Variants in MBD5 observed in about 807,000 individuals in gnomAD.
MBD5 encodes the protein methyl-CpG-binding domain protein 5.
Under a neutral mutation model 117.3 loss-of-function variants are expected in MBD5, and 13 were observed. The observed-to-expected ratio is 0.11, with a 90% CI of 0.07 to 0.18. MBD5 has a LOEUF of 0.18. Ranked by LOEUF, MBD5 falls within the 10% of genes least tolerant of loss-of-function variation. The pLI, the probability that MBD5 is intolerant of heterozygous loss-of-function variation, is 1.00. For missense variants in MBD5, 1,879 were observed against 2,093.8 expected, an observed-to-expected ratio of 0.90 and a Z score of 2.00; for synonymous variants, 727 against 766.4, an observed-to-expected ratio of 0.95 and a Z score of 0.85.
At chr2:148,063,816 C>G (rs1695105095) in intron 1 of MBD5, among the ~76,000 whole-genome samples, 3 of 152,004 alleles carry the variant, frequency 2.0e-5, no homozygotes, top group African/African-American at 7.2e-5. Flanking sequence ...GGACTCTGCC[C>G]AACCTGTTCC....
chr2:148,082,320 G>T (rs1695666654), intron 1 of MBD5, among the ~76,000 whole-genome samples: 1 of 151,964 alleles, frequency 6.6e-6, no homozygotes, highest in African/African-American at 2.4e-5. Flanking sequence ...CTTTTCCAGA[G>T]CACTTATCCT....
intron 3 of MBD5, among the ~76,000 whole-genome samples, chr2:148,316,003 T>C (rs767730998): frequency 1.5e-4 from 23 of 152,222 alleles, no homozygotes; most frequent in Non-Finnish European, 2.5e-4. Flanking sequence ...TTAAAATCAT[T>C]GTAGAAGGTG....
chr2:148,220,542 GT>G (rs1203127323), intron 2 of MBD5, among the ~76,000 whole-genome samples: 1 of 152,054 alleles, frequency 6.6e-6, no homozygotes, highest in East Asian at 1.9e-4. Context: ...ATTTCAAATA[GT>G]GGTAAAAGCT....
chr2:148,171,399 A>G (rs771094863), intron 1 of MBD5, among the ~76,000 whole-genome samples: 8 of 152,216 alleles, frequency 5.3e-5, no homozygotes, highest in Non-Finnish European at 1.2e-4. Context: ...GATACGGATG[A>G]AGAAAAAATA....
intron 2 of MBD5, among the ~76,000 whole-genome samples, chr2:148,227,889 G>T (rs1162148082): frequency 6.6e-6 from 1 of 152,168 alleles, no homozygotes; most frequent in Non-Finnish European, 1.5e-5. Context: ...ATGAATGGGA[G>T]TTCACTCATG....
At chr2:148,221,512 C>T (rs1356723558) in intron 2 of MBD5, among the ~76,000 whole-genome samples, 1 of 152,126 alleles carries the variant, frequency 6.6e-6, no homozygotes, top group Non-Finnish European at 1.5e-5. Flanking sequence ...CTCTAATTAT[C>T]AGTGATGTTG....
chr2:148,273,485 C>G (rs1407444956), intron 3 of MBD5, among the ~76,000 whole-genome samples: 1 of 152,080 alleles, frequency 6.6e-6, no homozygotes, highest in African/African-American at 2.4e-5. Context: ...ACCTTGCATT[C>G]TGATGGACGA....
chr2:148,427,095 C>A (rs1705818839), intron 4 of MBD5, among the ~76,000 whole-genome samples: 1 of 152,146 alleles, frequency 6.6e-6, no homozygotes, highest in South Asian at 2.1e-4. Context: ...ATCAAAACCA[C>A]AATGAGATAC....
At chr2:148,454,628 G>C (rs1453862774) in intron 4 of MBD5, among the ~76,000 whole-genome samples, 1 of 152,112 alleles carries the variant, frequency 6.6e-6, no homozygotes, top group African/African-American at 2.4e-5. Context: ...TTGCCTCTGG[G>C]GTGGAAGGGA....
chr2:148,275,283 T>C (rs2106358920), intron 3 of MBD5, among the ~76,000 whole-genome samples: 1 of 152,330 alleles, frequency 6.6e-6, no homozygotes, highest in East Asian at 1.9e-4. Context: ...CTTTGATTAT[T>C]GCTTCCCCTC....
intron 4 of MBD5, among the ~76,000 whole-genome samples, chr2:148,409,233 C>T (rs1043635512): frequency 6.6e-6 from 1 of 151,686 alleles, no homozygotes; most frequent in East Asian, 1.9e-4. Flanking sequence ...AAAAAATAAA[C>T]AAAAATTAGC....
At chr2:148,244,844 G>A (rs1313247459) in intron 3 of MBD5, among the ~76,000 whole-genome samples, 1 of 152,162 alleles carries the variant, frequency 6.6e-6, no homozygotes, top group African/African-American at 2.4e-5. Context: ...TGTCACAGGA[G>A]TGAGACATGC....
chr2:148,157,861 C>T (rs114964791), intron 1 of MBD5, among the ~76,000 whole-genome samples: 1,875 of 152,060 alleles, frequency 0.012, 44 homozygotes, highest in African/African-American at 0.043. Flanking sequence ...GACAGTTTAA[C>T]AATATATATT....
At chr2:148,412,581 T>C (rs545533749) in intron 4 of MBD5, among the ~76,000 whole-genome samples, 1 of 152,250 alleles carries the variant, frequency 6.6e-6, no homozygotes, top group Admixed American at 6.5e-5. Context: ...TGATTCTTCC[T>C]CTCCATGGGC....
Position 148,431,830 on chromosome 2 carries a change from C to T in MBD5, c.-556-26373C>T, listed in dbSNP as rs377440651. On this transcript the variant is annotated intron_variant, in intron 4 of 13. Coordinates refer to ENST00000642680, the MANE Select transcript of MBD5 (RefSeq NM_001378120.1). ...TCCATGTCTGTCCTGTTTTGAATAG[C>T]GCTGCAGTGGACATACACGTGCATG... 7.2e-5 allele frequency among the ~76,000 whole-genome samples: 11 copies of T among 151,916 alleles called. No homozygotes were observed. In the South Asian group the frequency reaches 8.3e-4, roughly 11 times the overall value.
At chr2:148,388,445 G>C (rs1372818772) in intron 4 of MBD5, among the ~76,000 whole-genome samples, 1 of 152,172 alleles carries the variant, frequency 6.6e-6, no homozygotes, top group Admixed American at 6.5e-5. Context: ...GAGGCAGGGA[G>C]TTTGAGATTA....
At chr2:148,254,701 G>A (rs1411359061) in intron 3 of MBD5, among the ~76,000 whole-genome samples, 1 of 152,182 alleles carries the variant, frequency 6.6e-6, no homozygotes, top group African/African-American at 2.4e-5. Flanking sequence ...ACCAACCTTG[G>A]TGGGACTGCT....
chr2:148,216,859 G>T (rs773911841), intron 2 of MBD5, among the ~76,000 whole-genome samples: 16 of 152,142 alleles, frequency 1.1e-4, no homozygotes, highest in Non-Finnish European at 2.2e-4. Flanking sequence ...AAGAAACCCA[G>T]CTGCACACTG....
intron 3 of MBD5, among the ~76,000 whole-genome samples, chr2:148,332,244 T>A (rs1702678188): frequency 6.6e-6 from 1 of 152,160 alleles, no homozygotes; most frequent in Non-Finnish European, 1.5e-5. Flanking sequence ...AATGATTTTG[T>A]TAAGTTTAAT....
Sources: allele counts gnomAD v4.1 joint callset (sites outside exome capture counted in the v4.1 genomes callset), GRCh38; gene constraint gnomAD v4.1.1; transcripts MANE v1.5; gene names NCBI Gene and HGNC (gene_info 2026-07-23, HGNC 2026-07-21).